CAMKMT: variants seen among roughly 807,000 people sequenced by gnomAD.
The protein encoded by CAMKMT is CaM KMT.
CAMKMT carries 53 observed loss-of-function variants against 48.0 expected under a neutral mutation model. The observed-to-expected ratio is 1.10, with a 90% confidence interval of 0.89 to 1.39. The LOEUF is 1.39. Ranked by LOEUF, CAMKMT falls within the 40% of genes most tolerant of loss-of-function variation. The pLI is 0.00. For missense variants in CAMKMT, 428 were observed against 402.7 expected, an observed-to-expected ratio of 1.06 and a Z score of -0.54; for synonymous variants, 165 against 152.3, an observed-to-expected ratio of 1.08 and a Z score of -0.61.
chr2:44,763,070 C>T (rs1680682883), intron 9 of CAMKMT, among the ~76,000 whole-genome samples: 1 of 152,118 alleles, frequency 6.6e-6, no homozygotes, highest in African/African-American at 2.4e-5. Flanking sequence ...TGTTCTCTCC[C>T]CTGGGGATAC....
At chr2:44,442,045 A>G (rs1666698846) in intron 3 of CAMKMT, among the ~76,000 whole-genome samples, 1 of 152,214 alleles carries the variant, frequency 6.6e-6, no homozygotes, top group South Asian at 2.1e-4. Flanking sequence ...TTGGCCCTTG[A>G]GAAGCAGGTA....
chr2:44,372,454 A>G (rs1370195131), intron 1 of CAMKMT, among the ~76,000 whole-genome samples: 2 of 142,128 alleles, frequency 1.4e-5, no homozygotes, highest in Admixed American at 1.5e-4. Context: ...GTGACAAAGT[A>G]AGATCCTGTC....
At chr2:44,611,487 C>G (rs556946146) in intron 3 of CAMKMT, among the ~76,000 whole-genome samples, 326 of 149,824 alleles carry the variant, frequency 2.2e-3, no homozygotes, top group African/African-American at 7.5e-3. Flanking sequence ...GAATACAGAA[C>G]AATTTTGACT....
At chr2:44,467,886 C>T (rs1463288310) in intron 3 of CAMKMT, among the ~76,000 whole-genome samples, 1 of 152,004 alleles carries the variant, frequency 6.6e-6, no homozygotes, top group Non-Finnish European at 1.5e-5. Flanking sequence ...ATATAAGACC[C>T]AAAACTATGA....
At chr2:44,364,754 C>T (rs144543327) in intron 1 of CAMKMT, among the ~76,000 whole-genome samples, 19 of 152,184 alleles carry the variant, frequency 1.2e-4, no homozygotes, top group Admixed American at 2.0e-4. Context: ...GGGAGCTGAC[C>T]GACATAGGCT....
chr2:44,463,985 C>G (rs993897566), intron 3 of CAMKMT, among the ~76,000 whole-genome samples: 2 of 152,134 alleles, frequency 1.3e-5, no homozygotes, highest in African/African-American at 4.8e-5. Context: ...TCTCCATTAA[C>G]TGACTCCGAA....
chr2:44,750,606 T>C (rs1393807725), intron 8 of CAMKMT, among the ~76,000 whole-genome samples: 1 of 152,246 alleles, frequency 6.6e-6, no homozygotes, highest in Non-Finnish European at 1.5e-5. Context: ...CCTCAAGCCA[T>C]ACACTATCAC....
chr2:44,539,427 G>C (rs1471721704), intron 3 of CAMKMT, among the ~76,000 whole-genome samples: 1 of 152,016 alleles, frequency 6.6e-6, no homozygotes, highest in Non-Finnish European at 1.5e-5. Flanking sequence ...GTATTTCAGT[G>C]TGAATTTTCT....
chr2:44,505,383 G>A (rs997952315), intron 3 of CAMKMT, among the ~76,000 whole-genome samples: 1 of 152,132 alleles, frequency 6.6e-6, no homozygotes, highest in East Asian at 1.9e-4. Context: ...CTGAGCAAAG[G>A]CTTTTAGTTT....
At chr2:44,474,002 A>G (rs1668554744) in intron 3 of CAMKMT, among the ~76,000 whole-genome samples, 1 of 152,196 alleles carries the variant, frequency 6.6e-6, no homozygotes, top group Admixed American at 6.5e-5. Flanking sequence ...AGCAGAGATT[A>G]TTTGGCTATT....
At chr2:44,541,470 C>A (rs1478060086) in intron 3 of CAMKMT, among the ~76,000 whole-genome samples, 2 of 152,090 alleles carry the variant, frequency 1.3e-5, no homozygotes, top group Admixed American at 6.5e-5. Context: ...AGGAAGTTTT[C>A]CGGTTATTAT....
chr2:44,544,189 A>G (rs1337313215), intron 3 of CAMKMT, among the ~76,000 whole-genome samples: 1 of 152,096 alleles, frequency 6.6e-6, no homozygotes, highest in Non-Finnish European at 1.5e-5. Context: ...TAAAATAGTC[A>G]ATGAAATTCT....
rs536008316 is a variant in CAMKMT, at chr2:44,674,964, G to A, written c.377-29319G>A. On this transcript the variant is annotated intron_variant, in intron 3 of 10. Transcript: ENST00000378494. ...AAGGTGTGACTCCCTCCTTTCTTAA[G>A]CTAAATCCTCTCCCTGTGGTCTTGA... Among the ~76,000 whole-genome samples, 10 of 150,912 alleles carry A rather than the reference G, an allele frequency of 6.6e-5. No homozygotes were observed. In the East Asian group the frequency reaches 1.2e-3, roughly 18 times the overall value.
At chr2:44,569,754 C>T (rs947465406) in intron 3 of CAMKMT, among the ~76,000 whole-genome samples, 2 of 152,182 alleles carry the variant, frequency 1.3e-5, no homozygotes, top group African/African-American at 4.8e-5. Context: ...GCTTCAAGTG[C>T]AGTCATTACT....
rs769423057 is a variant in CAMKMT, at chr2:44,754,083, C to G, written c.727C>G (p.Leu243Val). Residue 243 changes from leucine to valine, a missense_variant, in exon 9 of 11, where the codon CTT (leucine) becomes GTT (valine). Coordinates refer to ENST00000378494, the MANE Select transcript of CAMKMT (RefSeq NM_024766.5). ...GTTTCTGGACCAGTACAGAGCCAGC[C>G]TTGTTGATGCAATAAAGAGATTACT... ...CLFLDQYRAS[L>V]VDAIKRLLQP... The G allele has an allele frequency of 6.2e-6, 10 of 1,613,902 alleles. No individual in the cohort carries two copies. The Admixed American group carries it at 1.2e-4, about 19-fold the overall frequency.
chr2:44,548,726 G>A (rs940375960), intron 3 of CAMKMT, among the ~76,000 whole-genome samples: 2 of 152,186 alleles, frequency 1.3e-5, no homozygotes, highest in Non-Finnish European at 2.9e-5. Context: ...TACGTAGCAA[G>A]GAATTTTTTT....
chr2:44,402,740 G>GTTTTTTTTTTTTTTTTTTTTTT, intron 3 of CAMKMT, among the ~76,000 whole-genome samples: 11 of 94,104 alleles, frequency 1.2e-4, no homozygotes, highest in Admixed American at 2.2e-4. Context: ...TTGTTTTGCT[G>GTTTTTTTTTTTTTTTTTTTTTT]TTTTTTTTTT....
intron 7 of CAMKMT, among the ~76,000 whole-genome samples, chr2:44,733,860 A>AT (rs1679213529): frequency 6.6e-6 from 1 of 152,142 alleles, no homozygotes; most frequent in Admixed American, 6.5e-5. Flanking sequence ...GATATGTTGT[A>AT]TTAATATTGC....
chr2:44,564,041 G>T, intron 3 of CAMKMT, among the ~76,000 whole-genome samples: 1 of 152,114 alleles, frequency 6.6e-6, no homozygotes, highest in East Asian at 1.9e-4. Flanking sequence ...GATCCTTGAG[G>T]AATCGCCAAA....
Sources: allele counts gnomAD v4.1 joint callset (sites outside exome capture counted in the v4.1 genomes callset), GRCh38; gene constraint gnomAD v4.1.1; transcripts MANE v1.5; gene names NCBI Gene and HGNC (gene_info 2026-07-23, HGNC 2026-07-21).